The following TMPRSS11F variants were observed in gnomAD, a reference collection of about 807,000 sequenced individuals.
TMPRSS11F encodes the protein transmembrane protease serine 11F.
A neutral mutation model predicts 60.2 loss-of-function variants in TMPRSS11F; 47 were observed. That is an observed-to-expected ratio of 0.78 (90% confidence interval 0.62 to 1.00). TMPRSS11F has a LOEUF of 1.00. Among genes scored for constraint, TMPRSS11F ranks in the 50% least tolerant of loss-of-function variants. The probability of loss-of-function intolerance (pLI) is 0.00; values close to 1 mark genes in which losing one functional copy is unlikely to be tolerated. For synonymous variants in TMPRSS11F, 166 were observed against 167.3 expected (o/e 0.99, Z 0.06); for missense variants, 519 against 522.9 (o/e 0.99, Z 0.07).
At chr4:68,080,063 G>T (rs1210970403) in intron 3 of TMPRSS11F, 2 of 152,204 alleles carry the variant, frequency 1.3e-5, no homozygotes, top group African/African-American at 4.8e-5. Flanking sequence ...AAGGGAATAT[G>T]TGCCAGCAGA....
At chr4:68,123,817 A>G (rs917133032) in intron 1 of TMPRSS11F, among the ~76,000 whole-genome samples, 1 of 152,210 alleles carries the variant, frequency 6.6e-6, no homozygotes, top group Non-Finnish European at 1.5e-5. Context: ...CCAATCCTTA[A>G]CAAGACAAGC....
rs560297739 is a variant in TMPRSS11F at position 68,055,877 on chromosome 4, A to C, written c.1159-1810T>G. ...TTATCAAGTGGGATTTATCCCTCAG[A>C]TGCAAGAATGGTTCAATATATTCAA... On this transcript the variant is annotated intron_variant, in intron 9 of 9. Coordinates refer to ENST00000356291, the MANE Select transcript of TMPRSS11F (RefSeq NM_207407.2). Among the ~76,000 whole-genome samples, 12 of 152,328 alleles carry C rather than the reference A, an allele frequency of 7.9e-5. No individual in the cohort carries two copies. In the East Asian group the frequency reaches 2.3e-3, roughly 29 times the overall value.
rs145664411 is a variant in TMPRSS11F at position 68,068,651 on chromosome 4, G to A, written c.722C>T (p.Thr241Ile). 6.2e-7 allele frequency: 1 copy of A among 1,614,168 alleles called. No homozygotes were observed. Among genetic ancestry groups the A allele is most frequent in the South Asian group, 1.1e-5 (1 of 91,082 alleles). The change falls in exon 7 of 10, where the codon ACA (threonine) becomes ATA (isoleucine). Residue 241 changes from threonine to isoleucine, a missense_variant. Transcript: ENST00000356291. ...GCAGTGAGCTGCTGTGAGCAGCCAT[G>A]TGTTACTGATGAGGCTGGCTCCACA... ...HQCGASLISN[T>I]WLLTAAHCFW...
chr4:68,103,751 T>C (rs1042928537), intron 1 of TMPRSS11F, among the ~76,000 whole-genome samples: 11 of 152,274 alleles, frequency 7.2e-5, no homozygotes, highest in Admixed American at 7.2e-4. Flanking sequence ...CTTTGGCTAG[T>C]ATGGACATTT....
intron 1 of TMPRSS11F, among the ~76,000 whole-genome samples, chr4:68,119,011 A>G (rs549344970): frequency 6.6e-6 from 1 of 152,322 alleles, no homozygotes; most frequent in Admixed American, 6.5e-5. Flanking sequence ...TTATGCAAAG[A>G]AAAAGTTCTT....
chr4:68,109,658 T>C (rs1724373427), intron 1 of TMPRSS11F, among the ~76,000 whole-genome samples: 3 of 152,104 alleles, frequency 2.0e-5, no homozygotes, highest in African/African-American at 7.2e-5. Flanking sequence ...GAAGGATGAG[T>C]TGGCCAAGGG....
In TMPRSS11F at chr4:68,054,033, T is replaced by C. The variant is rs1722993247; in HGVS notation, c.1193A>G (p.His398Arg). ...DSGGPLVYDN[H>R]DIWYIVGIVS... is the part of the protein sequence containing the mutation. ...TATACCTACAATGTACCAGATGTCA[T>C]GATTATCATAAACCAGAGGTCCACC... Residue 398 changes from histidine to arginine, a missense_variant, in exon 10 of 10, where the codon CAT (histidine) becomes CGT (arginine). Coordinates refer to ENST00000356291, the MANE Select transcript of TMPRSS11F (RefSeq NM_207407.2). The C allele has an allele frequency of 6.2e-7, 1 of 1,613,352 alleles. No individual in the cohort carries two copies. Among genetic ancestry groups the C allele is most frequent in the African/African-American group, 1.3e-5 (1 of 75,006 alleles).
chr4:68,083,011 G>C (rs952396810), intron 3 of TMPRSS11F, among the ~76,000 whole-genome samples: 4 of 152,178 alleles, frequency 2.6e-5, no homozygotes, highest in Non-Finnish European at 5.9e-5. Context: ...GGGTGAGGGA[G>C]AACAAGCTGG....
intron 9 of TMPRSS11F, among the ~76,000 whole-genome samples, chr4:68,056,359 T>C (rs1350496191): frequency 6.6e-6 from 1 of 151,288 alleles, no homozygotes. Flanking sequence ...CAAAACTCAG[T>C]AGTGTTTCCA....
intron 7 of TMPRSS11F, among the ~76,000 whole-genome samples, chr4:68,068,025 T>C (rs2109840246): frequency 1.3e-5 from 2 of 152,272 alleles, no homozygotes; most frequent in Middle Eastern, 6.8e-3. Context: ...GGTACAACCA[T>C]GAAAGCCCAA....
intron 4 of TMPRSS11F, among the ~76,000 whole-genome samples, chr4:68,073,346 T>G (rs1723518308): frequency 6.6e-6 from 1 of 152,072 alleles, no homozygotes; most frequent in Non-Finnish European, 1.5e-5. Context: ...TGTGCAGGGT[T>G]AAAAAGCCTC....
At chr4:68,061,156 T>A (rs993776843) in intron 8 of TMPRSS11F, among the ~76,000 whole-genome samples, 3 of 152,172 alleles carry the variant, frequency 2.0e-5, no homozygotes, top group African/African-American at 7.2e-5. Flanking sequence ...AATTAGAGTT[T>A]CTAAATATAA....
At chr4:68,058,359 A>G (rs1723088393) in intron 9 of TMPRSS11F, among the ~76,000 whole-genome samples, 1 of 152,246 alleles carries the variant, frequency 6.6e-6, no homozygotes, top group Non-Finnish European at 1.5e-5. Context: ...TGATTTATCA[A>G]TAAAAAATAA....
chr4:68,119,715 T>C (rs1724586716), intron 1 of TMPRSS11F, among the ~76,000 whole-genome samples: 1 of 152,212 alleles, frequency 6.6e-6, no homozygotes. Context: ...TTACTGCTCA[T>C]AGACAATGCA....
At chr4:68,095,655 T>C (rs909843601) in intron 2 of TMPRSS11F, among the ~76,000 whole-genome samples, 3 of 151,978 alleles carry the variant, frequency 2.0e-5, no homozygotes, top group African/African-American at 4.8e-5. Context: ...CCCAGCACTT[T>C]GGGAGGCCAA....
At chr4:68,105,406 T>A (rs563005581) in intron 1 of TMPRSS11F, among the ~76,000 whole-genome samples, 2 of 152,170 alleles carry the variant, frequency 1.3e-5, no homozygotes, top group Non-Finnish European at 2.9e-5. Flanking sequence ...TAGTGATGGG[T>A]TTTTATGATC....
chr4:68,085,296 T>C (rs1723790079), intron 3 of TMPRSS11F, among the ~76,000 whole-genome samples: 1 of 151,612 alleles, frequency 6.6e-6, no homozygotes, highest in Non-Finnish European at 1.5e-5. Flanking sequence ...TCTAGATCCC[T>C]GAGGAATCGC....
chr4:68,103,452 A>G (rs1053478682), intron 1 of TMPRSS11F, among the ~76,000 whole-genome samples: 1 of 152,030 alleles, frequency 6.6e-6, no homozygotes. Flanking sequence ...TCTCAAAAAA[A>G]AAAAAAAAAA....
At chr4:68,062,531 G>C in intron 8 of TMPRSS11F, 1 of 753,726 alleles carries the variant, frequency 1.3e-6, no homozygotes, top group Admixed American at 1.7e-5. Context: ...GTAACTGTTT[G>C]CTTATTGTAT....
Sources: allele counts gnomAD v4.1 joint callset (sites outside exome capture counted in the v4.1 genomes callset), GRCh38; gene constraint gnomAD v4.1.1; transcripts MANE v1.5; gene names NCBI Gene and HGNC (gene_info 2026-07-23, HGNC 2026-07-21).